PSD3: variants seen among roughly 807,000 people sequenced by gnomAD.
PSD3 encodes the protein pleckstrin and Sec7 domain containing 3.
In PSD3, 49 loss-of-function variants were observed where a neutral mutation model predicts 105.5. The ratio of observed to expected loss-of-function variants is 0.46; its 90% CI spans 0.37 to 0.59. PSD3 has a LOEUF of 0.59. Ranked by LOEUF, PSD3 falls within the 20% of genes least tolerant of loss-of-function variation. PSD3 has a pLI of 0.00. For synonymous variants in PSD3, 557 were observed against 457.8 expected, an observed-to-expected ratio of 1.22 and a Z score of -2.77; for missense variants, 1,561 against 1,263.8, an observed-to-expected ratio of 1.24 and a Z score of -3.57.
intron 2 of PSD3, among the ~76,000 whole-genome samples, chr8:18,895,469 C>A (rs984492600): frequency 6.6e-6 from 1 of 152,214 alleles, no homozygotes; most frequent in Non-Finnish European, 1.5e-5. Context: ...TTCCTATCAG[C>A]ATCTCTTGTC....
intron 1 of PSD3, among the ~76,000 whole-genome samples, chr8:19,028,072 G>C (rs536410583): frequency 6.6e-6 from 1 of 152,106 alleles, no homozygotes; most frequent in Non-Finnish European, 1.5e-5. Context: ...CAATGTATGA[G>C]AGTTCCAGCA....
At chr8:18,626,680 A>C (rs913313728) in intron 11 of PSD3, among the ~76,000 whole-genome samples, 1 of 152,114 alleles carries the variant, frequency 6.6e-6, no homozygotes, top group Non-Finnish European at 1.5e-5. Context: ...CCATCTCTCA[A>C]AAGAAGAAGG....
chr8:18,821,252 AT>A lies in PSD3; in HGVS notation c.1635-16355del, dbSNP rs144219979. On this transcript the variant is annotated intron_variant, in intron 4 of 15. Coordinates refer to ENST00000327040, the MANE Select transcript of PSD3 (RefSeq NM_015310.4). ...CAAGACCATTCAAAAAGCTACAGAAATTCTCTCTATTCAACGCCTTTTAAAA... is the reference window on the plus strand; with the variant it reads ...CAAGACCATTCAAAAAGCTACAGAAATCTCTCTATTCAACGCCTTTTAAAA... Among the ~76,000 whole-genome samples the A allele has an allele frequency of 7.2e-3, 1,093 of 152,236 alleles. 11 individuals carry two copies. The highest frequency in any genetic ancestry group is 0.025 in the African/African-American group (1,018 of 41,530).
intron 1 of PSD3, among the ~76,000 whole-genome samples, chr8:18,971,997 TG>T (rs1268355841): frequency 6.6e-6 from 1 of 151,884 alleles, no homozygotes; most frequent in Non-Finnish European, 1.5e-5. Flanking sequence ...ACAGCAAGAC[TG>T]TCAAAAAAAA....
intron 1 of PSD3, among the ~76,000 whole-genome samples, chr8:19,064,246 A>T (rs1828997394): frequency 6.6e-6 from 1 of 152,184 alleles, no homozygotes; most frequent in South Asian, 2.1e-4. Context: ...AATTCCTAAT[A>T]ATTAAAGACA....
chr8:18,781,240 A>C (rs1165996396), intron 8 of PSD3, among the ~76,000 whole-genome samples: 2 of 152,202 alleles, frequency 1.3e-5, no homozygotes, highest in East Asian at 3.8e-4. Flanking sequence ...TCCTAGGTCA[A>C]AACAATGTAA....
At chr8:18,935,624 A>G (rs1822066053) in intron 2 of PSD3, among the ~76,000 whole-genome samples, 1 of 151,296 alleles carries the variant, frequency 6.6e-6, no homozygotes, top group Non-Finnish European at 1.5e-5. Context: ...TTGAGCCTGG[A>G]GGTCAAGGCT....
intron 15 of PSD3, among the ~76,000 whole-genome samples, chr8:18,542,318 C>G (rs1186996199): frequency 6.6e-6 from 1 of 152,154 alleles, no homozygotes; most frequent in Non-Finnish European, 1.5e-5. Flanking sequence ...ATGAAATTGA[C>G]ATGTAAAGTA....
At chr8:18,847,748 G>C (rs1343269889) in intron 4 of PSD3, among the ~76,000 whole-genome samples, 1 of 152,164 alleles carries the variant, frequency 6.6e-6, no homozygotes, top group African/African-American at 2.4e-5. Context: ...CTGACTCCCA[G>C]CACAATGCTT....
intron 12 of PSD3, among the ~76,000 whole-genome samples, chr8:18,576,101 G>A (rs1802447305): frequency 1.3e-5 from 2 of 152,058 alleles, no homozygotes; most frequent in South Asian, 4.1e-4. Flanking sequence ...TTATCAGTCT[G>A]CTTTTACAAA....
rs147977289 is a variant in PSD3 at position 19,061,369 on chromosome 8, A to G, written c.324+22837T>C. On this transcript the variant is annotated intron_variant, in intron 1 of 1. Coordinates refer to the PSD3 transcript ENST00000521475. The stretch of plus-strand genomic sequence containing the variant: ...GAAAAATTTAATCACTGGCGACAAG[A>G]CAAAACAAAACACGCTATTATTAAC... 1.1e-4 allele frequency among the ~76,000 whole-genome samples: 17 copies of G among 152,314 alleles called. No homozygotes were observed. The East Asian group carries it at 3.1e-3, about 28-fold the overall frequency.
Position 19,013,628 on chromosome 8 carries a change from C to T in PSD3, c.-45G>A. The T allele has an allele frequency of 7.5e-7, 1 of 1,341,452 alleles. No homozygotes were observed. Among genetic ancestry groups the T allele is most frequent in the Non-Finnish European group, 9.5e-7 (1 of 1,054,254 alleles). The allele number at this position is 1,341,452 out of a possible 1,614,324, so 83.1% of individuals were successfully genotyped here. On this transcript the variant is annotated 5_prime_UTR_variant, in exon 1 of 16. Transcript: ENST00000327040. ...CGCGCGCCGAAACCGCCGCCGGGCG[C>T]TCCGGGGCCGCAGCCTCAGGGCGCG...
At chr8:19,031,156 A>G (rs539734357) in intron 1 of PSD3, among the ~76,000 whole-genome samples, 1 of 152,302 alleles carries the variant, frequency 6.6e-6, no homozygotes, top group East Asian at 1.9e-4. Flanking sequence ...CTACTGTAGG[A>G]TTATCAGTGT....
intron 4 of PSD3, among the ~76,000 whole-genome samples, chr8:18,864,231 G>A (rs1816662084): frequency 6.6e-6 from 1 of 152,202 alleles, no homozygotes; most frequent in Non-Finnish European, 1.5e-5. Flanking sequence ...GGCTCTGGAG[G>A]CTGACTGCCT....
rs375872604 is a variant in PSD3, at chr8:18,865,286, ATTTTTTT to A, written c.1634+2381_1634+2387del. On this transcript the variant is annotated intron_variant, in intron 4 of 15. Transcript: ENST00000327040. ...TATATATATATATATATATATATATATTTTTTTTTTTTTTTTTTTTTTTAAAGGCTAT... is the reference window on the plus strand; with the variant it reads ...TATATATATATATATATATATATATATTTTTTTTTTTTTTTTAAAGGCTAT... The A allele has an allele frequency of 2.9e-3, 41 of 14,120 alleles. 1 individual carries two copies. Among genetic ancestry groups the A allele is most frequent in the African/African-American group, 0.012 (39 of 3,212 alleles). 0.9% of individuals were successfully genotyped at this position (14,120 alleles called of 1,614,324 possible). A position where few individuals can be genotyped will look rare whatever the true frequency, so the allele number is the denominator to read the frequency against.
intron 9 of PSD3, among the ~76,000 whole-genome samples, chr8:18,693,787 CT>C (rs1342925490): frequency 6.6e-6 from 1 of 152,190 alleles, no homozygotes; most frequent in Admixed American, 6.5e-5. Flanking sequence ...AAATAGCCTC[CT>C]CCTCCATTCT....
chr8:18,823,309 C>T (rs73580734), intron 4 of PSD3, among the ~76,000 whole-genome samples: 3,098 of 152,238 alleles, frequency 0.02, 92 homozygotes, highest in African/African-American at 0.071. Context: ...CTAAGTTTTA[C>T]ATTTTGAATT....
At chr8:18,600,630 T>C (rs1387179) in intron 11 of PSD3, among the ~76,000 whole-genome samples, 196 bp from the exon 12 acceptor site, 115,444 of 152,032 alleles carry the variant, frequency 0.76, 44,540 homozygotes, top group South Asian at 0.89. Flanking sequence ...GATCTTAATA[T>C]TTACAATGCT....
At chr8:18,680,851 A>C (rs1269080109) in intron 9 of PSD3, among the ~76,000 whole-genome samples, 1 of 152,256 alleles carries the variant, frequency 6.6e-6, no homozygotes, top group East Asian at 1.9e-4. Flanking sequence ...TATTTAGACC[A>C]AGAAAAGCAT....
Sources: gnomAD v4.1 joint callset for allele counts (sites outside exome capture counted in the v4.1 genomes callset) on GRCh38, gnomAD v4.1.1 for gene constraint, MANE v1.5 for transcripts, NCBI Gene and HGNC (gene_info 2026-07-23, HGNC 2026-07-21) for gene names.